Variants in SORBS2 observed in about 807,000 individuals in gnomAD.
SORBS2 encodes the protein sorbin and SH3 domain-containing protein 2.
SORBS2 carries 46 observed loss-of-function variants against 97.7 expected under a neutral mutation model. That is an observed-to-expected ratio of 0.47 (90% confidence interval 0.37 to 0.60). The LOEUF (loss-of-function observed/expected upper bound fraction) is 0.60. SORBS2 is among the 20% of genes least tolerant of loss of function. SORBS2 has a pLI of 0.00. For synonymous variants in SORBS2, 476 were observed against 473.4 expected, an observed-to-expected ratio of 1.01 and a Z score of -0.07; for missense variants, 1,316 against 1,282.3, an observed-to-expected ratio of 1.03 and a Z score of -0.40.
intron 7 of SORBS2, among the ~76,000 whole-genome samples, chr4:185,620,587 G>C (rs998861022): frequency 1.3e-5 from 2 of 152,142 alleles, no homozygotes; most frequent in African/African-American, 4.8e-5. Context: ...ACATTTTGTG[G>C]AGTAATTTAA....
At chr4:185,611,442 C>A (rs1204150567) in intron 12 of SORBS2, among the ~76,000 whole-genome samples, 1 of 151,472 alleles carries the variant, frequency 6.6e-6, no homozygotes, top group Non-Finnish European at 1.5e-5. Context: ...AAAAATGAAG[C>A]TTTAGGAAAA....
chr4:185,807,117 C>T (rs555823819), intron 1 of SORBS2, among the ~76,000 whole-genome samples: 310 of 151,920 alleles, frequency 2.0e-3, no homozygotes, highest in Admixed American at 4.1e-3. Flanking sequence ...AGTAGGCAAC[C>T]GTATAAATGA....
chr4:185,826,734 T>C (rs2099200048), intron 1 of SORBS2, among the ~76,000 whole-genome samples: 2 of 152,198 alleles, frequency 1.3e-5, no homozygotes, highest in African/African-American at 4.8e-5. Context: ...CTGTGATGTA[T>C]AGGGCACTGT....
chr4:185,905,935 G>A (rs1273495973), intron 1 of SORBS2, among the ~76,000 whole-genome samples: 2 of 152,198 alleles, frequency 1.3e-5, no homozygotes, highest in African/African-American at 4.8e-5. Flanking sequence ...AGCAAAGAGA[G>A]GACCCTCTGC....
intron 2 of SORBS2, among the ~76,000 whole-genome samples, chr4:185,762,915 G>A (rs11735040): frequency 0.45 from 68,489 of 152,070 alleles, 15,830 homozygotes; most frequent in South Asian, 0.5. Flanking sequence ...GAGGTCGGGC[G>A]TGGTGGCTTA....
intron 4 of SORBS2, among the ~76,000 whole-genome samples, chr4:185,668,761 G>A (rs1177416040): frequency 6.6e-6 from 1 of 152,200 alleles, no homozygotes; most frequent in African/African-American, 2.4e-5. Flanking sequence ...GCAAGTAGAT[G>A]ACTGCAGGTA....
intron 1 of SORBS2, among the ~76,000 whole-genome samples, chr4:185,864,924 A>G (rs1288285487): frequency 3.9e-5 from 6 of 152,052 alleles, no homozygotes; most frequent in African/African-American, 1.4e-4. Context: ...AAAAAAAAGA[A>G]AAAGAAAAGC....
chr4:185,877,822 A>G (rs1472423884), intron 1 of SORBS2, among the ~76,000 whole-genome samples: 2 of 147,034 alleles, frequency 1.4e-5, no homozygotes, highest in African/African-American at 2.5e-5. Context: ...GAGAGCCGAG[A>G]TAGCATCACT....
chr4:185,950,216 C>T (rs929167439), intron 1 of SORBS2, among the ~76,000 whole-genome samples: 8 of 150,330 alleles, frequency 5.3e-5, no homozygotes, highest in African/African-American at 2.0e-4. Flanking sequence ...TGTGCCATTG[C>T]ACTCCACCCT....
At chr4:185,601,332 A>G (rs970033773) in intron 12 of SORBS2, among the ~76,000 whole-genome samples, 3 of 152,170 alleles carry the variant, frequency 2.0e-5, no homozygotes, top group Admixed American at 6.5e-5. Context: ...TACTCATGTC[A>G]TAAGCTGAGA....
At chr4:185,867,095 C>T (rs5006592) in intron 1 of SORBS2, among the ~76,000 whole-genome samples, 68,160 of 151,886 alleles carry the variant, frequency 0.45, 15,775 homozygotes, top group African/African-American at 0.53. Context: ...CACTGCAACC[C>T]CCGCCTCCCA....
intron 2 of SORBS2, among the ~76,000 whole-genome samples, chr4:185,746,258 G>A (rs2098759773): frequency 6.6e-6 from 1 of 152,192 alleles, no homozygotes; most frequent in Admixed American, 6.5e-5. Context: ...TTTTTCAGAA[G>A]GGCGATGGAT....
At chr4:185,739,740 A>C (rs2098710746) in intron 2 of SORBS2, among the ~76,000 whole-genome samples, 3 of 152,198 alleles carry the variant, frequency 2.0e-5, no homozygotes, top group Admixed American at 1.3e-4. Context: ...ACATTTCAGA[A>C]AGAGCACATG....
chr4:185,948,356 A>T (rs768251013), intron 1 of SORBS2, among the ~76,000 whole-genome samples: 1 of 152,066 alleles, frequency 6.6e-6, no homozygotes, highest in Admixed American at 6.6e-5. Context: ...CACCTCCCCT[A>T]ATATACATTA....
At chr4:185,896,784 G>A (rs984168322) in intron 1 of SORBS2, among the ~76,000 whole-genome samples, 3 of 151,964 alleles carry the variant, frequency 2.0e-5, no homozygotes, top group African/African-American at 7.3e-5. Flanking sequence ...TCTTGGTGGA[G>A]GAGGCTCCAC....
intron 1 of SORBS2, among the ~76,000 whole-genome samples, chr4:185,801,923 T>A (rs545314204): frequency 6.6e-6 from 1 of 152,180 alleles, no homozygotes; most frequent in Admixed American, 6.5e-5. Context: ...TGAGCCAGAC[T>A]CAACAATTTA....
At chr4:185,858,921 G>T (rs1292744764) in intron 1 of SORBS2, among the ~76,000 whole-genome samples, 1 of 152,182 alleles carries the variant, frequency 6.6e-6, no homozygotes, top group Non-Finnish European at 1.5e-5. Context: ...AGTCTCTATT[G>T]ATGCCTTGAA....
chr4:185,826,917 A>T (rs2099200177), intron 1 of SORBS2, among the ~76,000 whole-genome samples: 1 of 152,210 alleles, frequency 6.6e-6, no homozygotes, highest in Non-Finnish European at 1.5e-5. Flanking sequence ...TGAGGATCAA[A>T]TGAATCTTTT....
chr4:185,735,087 T>C (rs1054490166), intron 2 of SORBS2, among the ~76,000 whole-genome samples: 1 of 152,210 alleles, frequency 6.6e-6, no homozygotes, highest in Non-Finnish European at 1.5e-5. Flanking sequence ...ATACAAGGCC[T>C]GTGCATTTTC....
Sources: gnomAD v4.1 joint callset for allele counts (sites outside exome capture counted in the v4.1 genomes callset) on GRCh38, gnomAD v4.1.1 for gene constraint, MANE v1.5 for transcripts, NCBI Gene and HGNC (gene_info 2026-07-23, HGNC 2026-07-21) for gene names.